EIF4H: variants seen among roughly 807,000 people sequenced by gnomAD.
EIF4H encodes the protein Williams-Beuren syndrome chromosome region 1.
Under a neutral mutation model 30.6 loss-of-function variants are expected in EIF4H, and 8 were observed. The ratio of observed to expected loss-of-function variants is 0.26; its 90% CI spans 0.15 to 0.47. EIF4H has a LOEUF of 0.47. EIF4H is among the 20% of genes least tolerant of loss of function. The pLI is 0.99. For missense variants in EIF4H, 188 were observed against 339.5 expected (o/e 0.55, Z 3.51); for synonymous variants, 106 against 122.7 (o/e 0.86, Z 0.90).
chr7:74,189,953 A>G, intron 4 of EIF4H, 35 bp downstream of exon 4: 1 of 1,608,194 alleles, frequency 6.2e-7, no homozygotes, highest in East Asian at 2.2e-5. Context: ...CATCATAAAG[A>G]TTTGCAGTAT....
intron 1 of EIF4H, among the ~76,000 whole-genome samples, chr7:74,186,788 A>ATTTTTTTTTT (rs564794579): frequency 2.1e-4 from 15 of 70,122 alleles, no homozygotes; most frequent in African/African-American, 3.4e-4. Flanking sequence ...ACAAGGAGAA[A>ATTTTTTTTTT]TTTTTTTTTT....
Position 74,190,235 on chromosome 7 carries a change from G to A in EIF4H, c.410-12G>A, listed in dbSNP as rs781799890. ...ACACGACCTCAACTTTATCTTTTTT[G>A]TGTATCCTCAGGAATGGGTAGCTCT... On this transcript the variant is annotated splice_polypyrimidine_tract_variant and intron_variant, in intron 4 of 6. Transcript: ENST00000265753. The A allele has an allele frequency of 6.8e-6, 11 of 1,611,806 alleles. No individual in the cohort carries two copies. Among genetic ancestry groups the A allele is most frequent in the Non-Finnish European group, 5.9e-6 (7 of 1,179,118 alleles).
intron 1 of EIF4H, among the ~76,000 whole-genome samples, chr7:74,177,547 C>T (rs1800869276): frequency 6.6e-6 from 1 of 152,128 alleles, no homozygotes; most frequent in Non-Finnish European, 1.5e-5. Context: ...ATTCTACTTC[C>T]TGTCTCTGAG....
chr7:74,191,385 C>T (rs1801208744), intron 5 of EIF4H: 1 of 463,278 alleles, frequency 2.2e-6, no homozygotes. Context: ...TGCCCACATA[C>T]TAACGTCTTT....
chr7:74,194,125 TG>T (rs1801287273), intron 5 of EIF4H, among the ~76,000 whole-genome samples: 1 of 152,170 alleles, frequency 6.6e-6, no homozygotes, highest in African/African-American at 2.4e-5. Flanking sequence ...GAGGCGCCGG[TG>T]GGGGTGAGGC....
intron 1 of EIF4H, among the ~76,000 whole-genome samples, chr7:74,181,333 G>A (rs1032095322): frequency 2.0e-5 from 3 of 151,678 alleles, no homozygotes; most frequent in African/African-American, 7.3e-5. Context: ...TCTTTGTGTT[G>A]GTAAATATTA....
intron 1 of EIF4H, among the ~76,000 whole-genome samples, chr7:74,176,332 G>A (rs140002341): frequency 0.025 from 3,813 of 151,598 alleles, 165 homozygotes; most frequent in African/African-American, 0.086. Flanking sequence ...CCACCTCCCG[G>A]GTTTAAGCGA....
chr7:74,190,513 C>T (rs1554709772), intron 5 of EIF4H, among the ~76,000 whole-genome samples: 1 of 152,048 alleles, frequency 6.6e-6, no homozygotes, highest in African/African-American at 2.4e-5. Context: ...TGTGTGGTCA[C>T]CTTTGTTAGC....
At chr7:74,193,787 G>T (rs1421667169) in intron 5 of EIF4H, among the ~76,000 whole-genome samples, 3 of 151,956 alleles carry the variant, frequency 2.0e-5, no homozygotes, top group Admixed American at 6.6e-5. Flanking sequence ...TAATTTTTGT[G>T]TTTTTTGTAG....
chr7:74,189,257 G>A (rs1258865621), intron 2 of EIF4H, among the ~76,000 whole-genome samples: 1 of 152,212 alleles, frequency 6.6e-6, no homozygotes, highest in Non-Finnish European at 1.5e-5. Flanking sequence ...AGTTACCTGA[G>A]TAGTAAGTTA....
At chr7:74,193,243 C>T (rs919595074) in intron 5 of EIF4H, among the ~76,000 whole-genome samples, 1 of 152,150 alleles carries the variant, frequency 6.6e-6, no homozygotes, top group Non-Finnish European at 1.5e-5. Context: ...GCAAAACACC[C>T]GACACTCATC....
chr7:74,183,231 G>A (rs1554708738), intron 1 of EIF4H, among the ~76,000 whole-genome samples: 1 of 152,172 alleles, frequency 6.6e-6, no homozygotes, highest in African/African-American at 2.4e-5. Context: ...TCAATAGACT[G>A]TCCCTAATGG....
At position 74,194,958 on chromosome 7, in the gene EIF4H, C is replaced by T. The variant is rs1351260135; in HGVS notation, c.607+80C>T. 8.0e-5 allele frequency: 122 copies of T among 1,520,714 alleles called. 3 individuals are homozygous for T. In the South Asian group the frequency reaches 1.4e-3, roughly 17 times the overall value. 94.2% of individuals were successfully genotyped at this position (1,520,714 alleles called of 1,614,324 possible). A position where few individuals can be genotyped will look rare whatever the true frequency, so the allele number is the denominator to read the frequency against. Reference sequence around the variant, plus strand: ...CGGTTCACACCCCGTGGGGACTTGGCGTTCTACGGCACACAGAGTTGTCGG... The same window carrying T: ...CGGTTCACACCCCGTGGGGACTTGGTGTTCTACGGCACACAGAGTTGTCGG... On this transcript the variant is annotated intron_variant, in intron 6 of 6. Coordinates refer to ENST00000265753, the MANE Select transcript of EIF4H (RefSeq NM_022170.2).
At chr7:74,191,933 C>G (rs1801227705) in intron 5 of EIF4H, among the ~76,000 whole-genome samples, 1 of 152,112 alleles carries the variant, frequency 6.6e-6, no homozygotes, top group African/African-American at 2.4e-5. Context: ...GCACCCACCA[C>G]CACGCCCGGC....
chr7:74,192,801 C>T (rs898277391), intron 5 of EIF4H, among the ~76,000 whole-genome samples: 1 of 150,994 alleles, frequency 6.6e-6, no homozygotes, highest in Non-Finnish European at 1.5e-5. Flanking sequence ...CCTCAGCCTC[C>T]CAAGTAGCTG....
intron 5 of EIF4H, among the ~76,000 whole-genome samples, chr7:74,194,446 T>A (rs1801295765): frequency 6.6e-6 from 1 of 152,200 alleles, no homozygotes; most frequent in South Asian, 2.1e-4. Flanking sequence ...TAAAATACAG[T>A]TTCGTGGTAT....
intron 1 of EIF4H, among the ~76,000 whole-genome samples, chr7:74,174,700 C>T (rs1554707413): frequency 2.0e-5 from 3 of 152,172 alleles, no homozygotes; most frequent in Non-Finnish European, 4.4e-5. Flanking sequence ...TTGGTTTTTG[C>T]CCTGCCTTGG....
chr7:74,194,396 C>G (rs188914408), intron 5 of EIF4H, among the ~76,000 whole-genome samples: 100 of 152,308 alleles, frequency 6.6e-4, no homozygotes, highest in African/African-American at 2.3e-3. Context: ...AAATAGAGTT[C>G]AACCTGCTTT....
At chr7:74,194,003 C>T (rs576498683) in intron 5 of EIF4H, among the ~76,000 whole-genome samples, 1 of 152,226 alleles carries the variant, frequency 6.6e-6, no homozygotes, top group Non-Finnish European at 1.5e-5. Flanking sequence ...ACTCTTTCCT[C>T]CTACACACCA....
Sources: allele counts gnomAD v4.1 joint callset (sites outside exome capture counted in the v4.1 genomes callset), GRCh38; gene constraint gnomAD v4.1.1; transcripts MANE v1.5; gene names NCBI Gene and HGNC (gene_info 2026-07-23, HGNC 2026-07-21).